The following MSRA variants were observed in gnomAD, a reference collection of about 807,000 sequenced individuals.
MSRA encodes the protein methionine sulfoxide reductase A.
In MSRA, 54 loss-of-function variants were observed where a neutral mutation model predicts 31.3. That is an observed-to-expected ratio of 1.73 (90% confidence interval 1.39 to 2.17). The LOEUF (loss-of-function observed/expected upper bound fraction) is 2.17, where lower values mean the gene tolerates loss of function less well. MSRA is among the 30% of genes most tolerant of loss of function. The pLI, the probability that MSRA is intolerant of heterozygous loss-of-function variation, is 0.00. For synonymous variants in MSRA, 169 were observed against 116.5 expected (o/e 1.45, Z -2.90); for missense variants, 507 against 300.9 (o/e 1.69, Z -5.07).
At chr8:10,067,839 T>A (rs912172311) in intron 1 of MSRA, among the ~76,000 whole-genome samples, 13 of 152,140 alleles carry the variant, frequency 8.5e-5, no homozygotes, top group African/African-American at 2.9e-4. Context: ...TTCAAATCTT[T>A]TGCCCATATT....
At chr8:10,417,754 TTGTGTG>T (rs113437676) in intron 5 of MSRA, among the ~76,000 whole-genome samples, 2 of 129,932 alleles carry the variant, frequency 1.5e-5, no homozygotes, top group African/African-American at 5.7e-5. Context: ...AACCTGCATG[TTGTGTG>T]TGTGTGTGTG....
chr8:10,384,524 T>C (rs2129176160), intron 5 of MSRA, among the ~76,000 whole-genome samples: 1 of 152,260 alleles, frequency 6.6e-6, no homozygotes, highest in Middle Eastern at 3.4e-3. Context: ...TGGCTGCTCA[T>C]TGGAATAACC....
chr8:10,275,874 C>T (rs546694899), intron 3 of MSRA, among the ~76,000 whole-genome samples: 26 of 152,332 alleles, frequency 1.7e-4, no homozygotes, highest in African/African-American at 4.3e-4. Context: ...CCTCTTGACC[C>T]ACAATCTGGA....
chr8:10,133,262 C>G (rs923927353), intron 1 of MSRA, among the ~76,000 whole-genome samples: 1 of 152,164 alleles, frequency 6.6e-6, no homozygotes, highest in African/African-American at 2.4e-5. Flanking sequence ...GAGCTGCGTG[C>G]TATAAATTCT....
chr8:10,100,281 G>A (rs904112507), intron 1 of MSRA, among the ~76,000 whole-genome samples: 11 of 152,276 alleles, frequency 7.2e-5, no homozygotes, highest in Non-Finnish European at 8.8e-5. Flanking sequence ...AGGAGAGGGA[G>A]AGGCAGAGTC....
At chr8:10,067,192 A>AGGGGGATG (rs1797497417) in intron 1 of MSRA, among the ~76,000 whole-genome samples, 1 of 151,744 alleles carries the variant, frequency 6.6e-6, no homozygotes, top group African/African-American at 2.4e-5. Context: ...CTTCCCAAGA[A>AGGGGGATG]CCCCTTGCAA....
At chr8:10,181,914 G>C (rs1806576903) in intron 1 of MSRA, among the ~76,000 whole-genome samples, 1 of 152,170 alleles carries the variant, frequency 6.6e-6, no homozygotes, top group Non-Finnish European at 1.5e-5. Flanking sequence ...TTCGTGATTG[G>C]TGTGCATTTT....
intron 5 of MSRA, among the ~76,000 whole-genome samples, chr8:10,349,051 T>G (rs1244987188): frequency 1.3e-5 from 2 of 152,164 alleles, no homozygotes; most frequent in Non-Finnish European, 2.9e-5. Context: ...ATAAAAAGAA[T>G]GCCGACAAAA....
intron 1 of MSRA, among the ~76,000 whole-genome samples, chr8:10,132,688 A>G (rs1188202260): frequency 4.6e-5 from 7 of 152,250 alleles, no homozygotes; most frequent in Non-Finnish European, 8.8e-5. Context: ...TAAAAGCCCA[A>G]TGACAGTCCT....
chr8:10,236,300 G>A (rs1450719759), intron 2 of MSRA, among the ~76,000 whole-genome samples: 1 of 152,166 alleles, frequency 6.6e-6, no homozygotes, highest in Non-Finnish European at 1.5e-5. Flanking sequence ...AAGAATGGGA[G>A]AGGGAGACAG....
intron 1 of MSRA, among the ~76,000 whole-genome samples, chr8:10,199,086 C>T (rs959885459): frequency 6.6e-6 from 1 of 152,188 alleles, no homozygotes; most frequent in Non-Finnish European, 1.5e-5. Context: ...TCATTCCTCC[C>T]TTTGTCTTTG....
intron 5 of MSRA, among the ~76,000 whole-genome samples, chr8:10,345,594 T>C (rs1803720475): frequency 6.6e-6 from 1 of 152,220 alleles, no homozygotes; most frequent in Non-Finnish European, 1.5e-5. Flanking sequence ...CAATGGGATA[T>C]ATTATTACAA....
At chr8:10,107,488 C>T (rs749354394) in intron 1 of MSRA, among the ~76,000 whole-genome samples, 17 of 152,104 alleles carry the variant, frequency 1.1e-4, no homozygotes, top group Admixed American at 2.0e-4. Context: ...ATATTCTGTG[C>T]GTCTCTGACT....
intron 3 of MSRA, among the ~76,000 whole-genome samples, chr8:10,287,378 G>T (rs968165087): frequency 3.9e-5 from 6 of 152,160 alleles, no homozygotes; most frequent in Admixed American, 3.9e-4. Context: ...TTCCCATGAA[G>T]ATTTAATACG....
intron 2 of MSRA, among the ~76,000 whole-genome samples, chr8:10,212,516 T>C (rs1809591788): frequency 6.6e-6 from 1 of 152,222 alleles, no homozygotes; most frequent in Non-Finnish European, 1.5e-5. Context: ...ACACTAGTAG[T>C]TACGCTAACT....
At chr8:10,340,685 A>G (rs1007241356) in intron 5 of MSRA, among the ~76,000 whole-genome samples, 2 of 152,210 alleles carry the variant, frequency 1.3e-5, no homozygotes, top group Non-Finnish European at 2.9e-5. Context: ...ATTGGAAGTT[A>G]TTATACCCAC....
chr8:10,286,167 C>A (rs1799925286), intron 3 of MSRA, among the ~76,000 whole-genome samples: 1 of 152,150 alleles, frequency 6.6e-6, no homozygotes, highest in South Asian at 2.1e-4. Context: ...TCGTCATTTT[C>A]AACATCTGAA....
chr8:10,304,789 G>T (rs1035287465), intron 4 of MSRA, among the ~76,000 whole-genome samples: 1 of 152,220 alleles, frequency 6.6e-6, no homozygotes, highest in African/African-American at 2.4e-5. Context: ...AGATATGTAA[G>T]ACTGACTGTT....
At chr8:10,265,379 T>C (rs1585312373) in intron 3 of MSRA, among the ~76,000 whole-genome samples, 1 of 152,262 alleles carries the variant, frequency 6.6e-6, no homozygotes, top group Middle Eastern at 3.4e-3. Context: ...CATTCAGCTC[T>C]GGGGTGCTCA....
Sources: allele counts gnomAD v4.1 joint callset (sites outside exome capture counted in the v4.1 genomes callset), GRCh38; gene constraint gnomAD v4.1.1; transcripts MANE v1.5; gene names NCBI Gene and HGNC (gene_info 2026-07-23, HGNC 2026-07-21).